GPC5: variants seen among roughly 807,000 people sequenced by gnomAD.
The protein encoded by GPC5 is glypican 5.
A neutral mutation model predicts 53.9 loss-of-function variants in GPC5; 47 were observed. The ratio of observed to expected loss-of-function variants is 0.87; its 90% CI spans 0.69 to 1.11. GPC5 has a LOEUF of 1.11. GPC5 is among the 50% of genes most tolerant of loss of function. The pLI, the probability that GPC5 is intolerant of heterozygous loss-of-function variation, is 0.00. For synonymous variants in GPC5, 286 were observed against 263.3 expected (o/e 1.09, Z -0.84); for missense variants, 748 against 713.1 (o/e 1.05, Z -0.56).
intron 6 of GPC5, among the ~76,000 whole-genome samples, chr13:92,102,428 G>C (rs1224845124): frequency 6.6e-6 from 1 of 152,154 alleles, no homozygotes; most frequent in Admixed American, 6.6e-5. Flanking sequence ...AGGAGTGGAA[G>C]TAAGTAGCAG....
chr13:92,510,349 T>A (rs1250877308), intron 7 of GPC5, among the ~76,000 whole-genome samples: 3 of 152,144 alleles, frequency 2.0e-5, no homozygotes, highest in Non-Finnish European at 4.4e-5. Context: ...CTTAACAACC[T>A]CTTAAGATGC....
intron 5 of GPC5, among the ~76,000 whole-genome samples, chr13:91,842,677 C>A (rs2038801893): frequency 8.2e-6 from 1 of 121,876 alleles, no homozygotes; most frequent in Non-Finnish European, 1.6e-5. Context: ...ACCACTCCAA[C>A]CTGGGAGACA....
At chr13:92,788,437 A>G (rs996972610) in intron 7 of GPC5, among the ~76,000 whole-genome samples, 1 of 152,214 alleles carries the variant, frequency 6.6e-6, no homozygotes, top group African/African-American at 2.4e-5. Context: ...TTAGTATCCT[A>G]AAGACCACAT....
chr13:92,806,045 T>C (rs1184884852), intron 7 of GPC5, among the ~76,000 whole-genome samples: 4 of 152,072 alleles, frequency 2.6e-5, no homozygotes, highest in Non-Finnish European at 4.4e-5. Flanking sequence ...CTAGATGGCA[T>C]CTTCTTCCAG....
At chr13:92,781,852 A>C (rs1876033950) in intron 7 of GPC5, among the ~76,000 whole-genome samples, 1 of 152,232 alleles carries the variant, frequency 6.6e-6, no homozygotes, top group African/African-American at 2.4e-5. Flanking sequence ...AGCTGCTGCC[A>C]GCCAAGTATC....
At chr13:92,339,624 A>C (rs1194649523) in intron 7 of GPC5, among the ~76,000 whole-genome samples, 1 of 152,124 alleles carries the variant, frequency 6.6e-6, no homozygotes, top group African/African-American at 2.4e-5. Flanking sequence ...TCTCCTACAC[A>C]ATGAAAAATG....
At chr13:92,768,617 TC>T (rs1283326993) in intron 7 of GPC5, among the ~76,000 whole-genome samples, 1 of 152,086 alleles carries the variant, frequency 6.6e-6, no homozygotes, top group Non-Finnish European at 1.5e-5. Flanking sequence ...GAAAAATCTT[TC>T]CCCCATAGTC....
At chr13:91,416,698 G>A (rs1594059383) in intron 1 of GPC5, among the ~76,000 whole-genome samples, 2 of 151,914 alleles carry the variant, frequency 1.3e-5, no homozygotes, top group Non-Finnish European at 1.5e-5. Context: ...GAGAACATAC[G>A]GTGTTTGGTT....
At chr13:92,300,750 C>G (rs35243013) in intron 7 of GPC5, among the ~76,000 whole-genome samples, 1,538 of 152,262 alleles carry the variant, frequency 0.01, 27 homozygotes, top group Middle Eastern at 0.048. Flanking sequence ...ATTGTGTAAG[C>G]TTTTCTTCTA....
In GPC5 at chr13:92,633,757, T is replaced by A. The variant is rs185054525; in HGVS notation, c.1562-232525T>A. Among the ~76,000 whole-genome samples the A allele has an allele frequency of 2.8e-3, 420 of 152,300 alleles. 2 individuals are homozygous for A. Among genetic ancestry groups the A allele is most frequent in the Non-Finnish European group, 4.9e-3 (335 of 67,982 alleles). On this transcript the variant is annotated intron_variant, in intron 7 of 7. Coordinates refer to ENST00000377067, the MANE Select transcript of GPC5 (RefSeq NM_004466.6). Reference sequence around the variant, plus strand: ...TTTTCTGCCATATTAATCAGTACTTTAAAAAATTACTAATGGCTTTAATAG... The same window carrying A: ...TTTTCTGCCATATTAATCAGTACTTAAAAAAATTACTAATGGCTTTAATAG...
intron 2 of GPC5, among the ~76,000 whole-genome samples, chr13:91,555,559 G>A (rs2030896014): frequency 6.6e-6 from 1 of 152,020 alleles, no homozygotes; most frequent in Non-Finnish European, 1.5e-5. Flanking sequence ...AACTAGATTT[G>A]TCAACCTCTT....
At chr13:91,819,155 T>C (rs1341546911) in intron 5 of GPC5, among the ~76,000 whole-genome samples, 1 of 89,358 alleles carries the variant, frequency 1.1e-5, no homozygotes, top group East Asian at 3.3e-4. Flanking sequence ...TATGCGCTTT[T>C]TTTTTTTTTT....
intron 7 of GPC5, among the ~76,000 whole-genome samples, chr13:92,400,552 T>C (rs1231387478): frequency 6.6e-6 from 1 of 152,200 alleles, no homozygotes; most frequent in African/African-American, 2.4e-5. Flanking sequence ...ACCCTTTCCA[T>C]ATATCCAAAT....
chr13:92,429,917 G>A (rs1283619885), intron 7 of GPC5, among the ~76,000 whole-genome samples: 1 of 152,014 alleles, frequency 6.6e-6, no homozygotes, highest in Non-Finnish European at 1.5e-5. Context: ...GTACAACATG[G>A]TGACTATTTA....
chr13:91,897,369 G>A (rs946360961), intron 5 of GPC5, among the ~76,000 whole-genome samples: 3 of 59,654 alleles, frequency 5.0e-5, no homozygotes, highest in South Asian at 3.0e-3. Context: ...GTGTGTGTGT[G>A]CGCCTGTGCA....
intron 2 of GPC5, among the ~76,000 whole-genome samples, chr13:91,572,440 A>C (rs759087300): frequency 6.6e-6 from 1 of 152,052 alleles, no homozygotes; most frequent in African/African-American, 2.4e-5. Flanking sequence ...TCTGCAGACT[A>C]TAAGAAGTGT....
In GPC5 at chr13:92,597,634, G is replaced by T. The variant is rs3803206; in HGVS notation, c.1562-268648G>T. ...AAGGACTGCAATTTTTCCAAATAAT[G>T]CCAAGGAAACAAACTAGATAGCATT... On this transcript the variant is annotated intron_variant, in intron 7 of 7. Coordinates refer to ENST00000377067, the MANE Select transcript of GPC5 (RefSeq NM_004466.6). Among the ~76,000 whole-genome samples the T allele has an allele frequency of 8.5e-5, 13 of 152,064 alleles. No homozygotes were observed. In the East Asian group the frequency reaches 2.5e-3, roughly 29 times the overall value.
At chr13:91,433,773 C>T (rs1383509647) in intron 1 of GPC5, among the ~76,000 whole-genome samples, 1 of 152,090 alleles carries the variant, frequency 6.6e-6, no homozygotes, top group Non-Finnish European at 1.5e-5. Context: ...GAGGAATTGC[C>T]ACACTGACTT....
intron 7 of GPC5, among the ~76,000 whole-genome samples, chr13:92,315,030 G>A (rs940291185): frequency 2.6e-5 from 4 of 152,112 alleles, no homozygotes; most frequent in African/African-American, 9.7e-5. Context: ...TGCTGCCTCG[G>A]CCTCTCAAAG....
Sources: gnomAD v4.1 joint callset for allele counts (sites outside exome capture counted in the v4.1 genomes callset) on GRCh38, gnomAD v4.1.1 for gene constraint, MANE v1.5 for transcripts, NCBI Gene and HGNC (gene_info 2026-07-23, HGNC 2026-07-21) for gene names.